The following FHL2 variants were observed in gnomAD, a reference collection of about 807,000 sequenced individuals.
FHL2 encodes the protein four and a half LIM domains protein 2.
Under a neutral mutation model 32.7 loss-of-function variants are expected in FHL2, and 20 were observed. The observed-to-expected ratio is 0.61, with a 90% CI of 0.43 to 0.89. The LOEUF (loss-of-function observed/expected upper bound fraction) is 0.89, where lower values mean the gene tolerates loss of function less well. FHL2 is among the 40% of genes least tolerant of loss of function. FHL2 has a pLI of 0.00. For synonymous variants in FHL2, 123 were observed against 128.1 expected (o/e 0.96, Z 0.27); for missense variants, 311 against 358.6 (o/e 0.87, Z 1.07).
chr2:105,381,348 C>T (rs1348366807), intron 3 of FHL2, among the ~76,000 whole-genome samples: 2 of 152,156 alleles, frequency 1.3e-5, no homozygotes, highest in Non-Finnish European at 2.9e-5. Context: ...GCTCCCTAGA[C>T]GTTAACTCAC....
At chr2:105,434,680 G>A (rs1684536183) in intron 1 of FHL2, among the ~76,000 whole-genome samples, 1 of 152,096 alleles carries the variant, frequency 6.6e-6, no homozygotes, top group Non-Finnish European at 1.5e-5. Context: ...TCTGAAAATA[G>A]GAATAATAAC....
intron 3 of FHL2, among the ~76,000 whole-genome samples, chr2:105,383,179 C>T (rs2104573819): frequency 6.6e-6 from 1 of 152,352 alleles, no homozygotes; most frequent in South Asian, 2.1e-4. Context: ...GGCCACTGTG[C>T]CCAGCCCTAT....
chr2:105,361,166 A>G lies in FHL2; in HGVS notation c.*117T>C. 1 of 1,023,282 alleles carries G rather than the reference A, an allele frequency of 9.8e-7. No individual in the cohort carries two copies. Among genetic ancestry groups the G allele is most frequent in the Non-Finnish European group, 1.5e-6 (1 of 685,228 alleles). 63.4% of individuals were successfully genotyped at this position (1,023,282 alleles called of 1,614,324 possible). On this transcript the variant is annotated 3_prime_UTR_variant, in exon 7 of 7. Transcript: ENST00000530340. Reference sequence around the variant, plus strand: ...GCAAACGTGAGTATCACTGAAAAGCACTAGAAGAAAGTCTCAATGTGGCTG... The same window carrying G: ...GCAAACGTGAGTATCACTGAAAAGCGCTAGAAGAAAGTCTCAATGTGGCTG...
chr2:105,416,420 G>T (rs930178424), intron 1 of FHL2, among the ~76,000 whole-genome samples: 2 of 152,170 alleles, frequency 1.3e-5, no homozygotes, highest in South Asian at 4.1e-4. Context: ...CAGAAATGTC[G>T]TTGGAAAAGA....
In FHL2 at chr2:105,394,508, G is replaced by C. The variant is rs7573794; in HGVS notation, c.-25+2139C>G. The stretch of plus-strand genomic sequence containing the variant: ...GGACTGCTTGAGCCCAGGGGTTTGA[G>C]GCTTTAGTGAGCTATGATGGCACCT... On this transcript the variant is annotated intron_variant, in intron 2 of 6. Transcript: ENST00000530340. Among the ~76,000 whole-genome samples, 664 of 151,378 alleles carry C rather than the reference G, an allele frequency of 4.4e-3. 3 individuals carry two copies. Among genetic ancestry groups the C allele is most frequent in the African/African-American group, 0.015 (629 of 41,230 alleles).
intron 3 of FHL2, among the ~76,000 whole-genome samples, chr2:105,379,505 G>A (rs4462802): frequency 0.98 from 149,051 of 152,330 alleles, 72,929 homozygotes; most frequent in East Asian, 1. Context: ...TGAGCCATAC[G>A]ATAACTCTAT....
chr2:105,397,880 TG>T (rs1478901518), intron 1 of FHL2, among the ~76,000 whole-genome samples: 217 of 50,512 alleles, frequency 4.3e-3, no homozygotes, highest in Admixed American at 8.3e-3. Context: ...TTTGTTTTTT[TG>T]TTTTTTGTTT....
At chr2:105,369,280 T>C (rs931983822) in intron 4 of FHL2, among the ~76,000 whole-genome samples, 3 of 152,190 alleles carry the variant, frequency 2.0e-5, no homozygotes, top group African/African-American at 7.2e-5. Context: ...TAGGAGTCTA[T>C]AGACTAGTCC....
intron 1 of FHL2, 26 bp from the exon 2 acceptor site, chr2:105,396,723 T>G (rs1683155460): frequency 1.2e-6 from 2 of 1,610,602 alleles, no homozygotes; most frequent in African/African-American, 2.7e-5. Flanking sequence ...GTGTTTTGTT[T>G]CAGATGGTCA....
intron 1 of FHL2, among the ~76,000 whole-genome samples, chr2:105,406,301 G>A (rs189691081): frequency 3.3e-5 from 5 of 152,302 alleles, no homozygotes; most frequent in Admixed American, 6.5e-5. Flanking sequence ...ACTTGGAATC[G>A]TGTGTACAGT....
intron 3 of FHL2, 48 bp from the exon 4 acceptor site, chr2:105,373,781 T>C: frequency 6.2e-7 from 1 of 1,603,834 alleles, no homozygotes; most frequent in Non-Finnish European, 8.5e-7. Flanking sequence ...ACAGGAGGGC[T>C]TGGACCCACA....
intron 1 of FHL2, among the ~76,000 whole-genome samples, chr2:105,408,477 ATCACAGCCTTCCCT>A (rs1683701421): frequency 2.0e-5 from 3 of 152,198 alleles, no homozygotes; most frequent in South Asian, 2.1e-4. Flanking sequence ...CACTTGCAGA[ATCACAGCCTTCCCT>A]TCACAGCCTT....
chr2:105,379,376 T>C (rs566359037), intron 3 of FHL2, among the ~76,000 whole-genome samples: 1 of 152,336 alleles, frequency 6.6e-6, no homozygotes, highest in East Asian at 1.9e-4. Context: ...AAGACAGTCC[T>C]ATCAATGAGA....
intron 1 of FHL2, among the ~76,000 whole-genome samples, chr2:105,422,275 G>A (rs908870566): frequency 6.6e-6 from 1 of 152,180 alleles, no homozygotes; most frequent in Non-Finnish European, 1.5e-5. Context: ...GAACTCCCAT[G>A]CCTTGTGAAC....
intron 3 of FHL2, among the ~76,000 whole-genome samples, chr2:105,381,406 A>G (rs1186530717): frequency 6.6e-6 from 1 of 152,118 alleles, no homozygotes; most frequent in Non-Finnish European, 1.5e-5. Context: ...GTGTATAGAC[A>G]TGGAAACGGA....
At chr2:105,423,441 G>C (rs957788152) in intron 1 of FHL2, among the ~76,000 whole-genome samples, 3 of 152,160 alleles carry the variant, frequency 2.0e-5, no homozygotes, top group African/African-American at 7.2e-5. Flanking sequence ...GACAATATCA[G>C]GGGACATATT....
intron 4 of FHL2, among the ~76,000 whole-genome samples, chr2:105,370,207 T>TA (rs1386742231): frequency 6.6e-6 from 1 of 151,790 alleles, no homozygotes; most frequent in Non-Finnish European, 1.5e-5. Context: ...TCCCTGTCTC[T>TA]ACCCCCCCAA....
intron 1 of FHL2, among the ~76,000 whole-genome samples, chr2:105,433,733 G>A (rs1228367493): frequency 1.3e-5 from 2 of 152,234 alleles, no homozygotes; most frequent in East Asian, 3.9e-4. Flanking sequence ...CACACCATGA[G>A]CACTCGAACG....
At chr2:105,365,525 G>A (rs2679878) in intron 5 of FHL2, among the ~76,000 whole-genome samples, 24,763 of 151,940 alleles carry the variant, frequency 0.16, 2,259 homozygotes, top group South Asian at 0.22. Flanking sequence ...TTGATGAGAA[G>A]AACAAACCAA....
Sources: allele counts gnomAD v4.1 joint callset (sites outside exome capture counted in the v4.1 genomes callset), GRCh38; gene constraint gnomAD v4.1.1; transcripts MANE v1.5; gene names NCBI Gene and HGNC (gene_info 2026-07-23, HGNC 2026-07-21).